The following FIP1L1 variants were observed in gnomAD, a reference collection of about 807,000 sequenced individuals.
The protein encoded by FIP1L1 is factor interacting with PAPOLA and CPSF1, also known as pre-mRNA 3'-end-processing factor FIP1.
In FIP1L1, 21 loss-of-function variants were observed where a neutral mutation model predicts 84.6. That is an observed-to-expected ratio of 0.25 (90% confidence interval 0.18 to 0.36). FIP1L1 has a LOEUF of 0.36. Ranked by LOEUF, FIP1L1 falls within the 10% of genes least tolerant of loss-of-function variation. The pLI is 1.00. For synonymous variants in FIP1L1, 263 were observed against 242.3 expected (o/e 1.09, Z -0.80); for missense variants, 526 against 751.1 (o/e 0.70, Z 3.50).
chr4:53,430,234 G>T lies in FIP1L1; in HGVS notation c.1174+2051G>T, dbSNP rs1765973255. Among the ~76,000 whole-genome samples, 3 of 151,790 alleles carry T rather than the reference G, an allele frequency of 2.0e-5. No individual in the cohort carries two copies. The South Asian group carries it at 6.2e-4, about 31-fold the overall frequency. On this transcript the variant is annotated intron_variant, in intron 13 of 17. Coordinates refer to ENST00000337488, the MANE Select transcript of FIP1L1 (RefSeq NM_030917.4). ...AATTAATGACAACAAATACTTAGCT[G>T]GTATAAGAATATTCGAAACTCCGTA...
At chr4:53,403,728 C>T (rs935072331) in intron 10 of FIP1L1, among the ~76,000 whole-genome samples, 2 of 152,150 alleles carry the variant, frequency 1.3e-5, no homozygotes, top group African/African-American at 4.8e-5. Context: ...GTGCAACATG[C>T]GGTTGGGCAT....
In FIP1L1 at chr4:53,415,712, TC is replaced by T. The variant is rs546136012; in HGVS notation, c.923+991del. ...AGGAAACACTATCAAAATTTGATTT[TC>T]TTATGTTTCATTTTCTATACAGTCT... On this transcript the variant is annotated intron_variant, in intron 11 of 17. Coordinates refer to ENST00000337488, the MANE Select transcript of FIP1L1 (RefSeq NM_030917.4). Among the ~76,000 whole-genome samples, 11 of 152,274 alleles carry T rather than the reference TC, an allele frequency of 7.2e-5. No homozygotes were observed. The South Asian group carries it at 2.3e-3, about 32-fold the overall frequency.
intron 9 of FIP1L1, among the ~76,000 whole-genome samples, chr4:53,396,110 G>T (rs562078402): frequency 6.6e-6 from 1 of 151,992 alleles, no homozygotes; most frequent in Non-Finnish European, 1.5e-5. Context: ...GTAGAGACAG[G>T]GTTTTGCCAT....
At chr4:53,423,424 CTAT>C (rs1431338271) in intron 11 of FIP1L1, among the ~76,000 whole-genome samples, 1 of 152,150 alleles carries the variant, frequency 6.6e-6, no homozygotes, top group Non-Finnish European at 1.5e-5. Context: ...TAGGGAAACT[CTAT>C]TAAATCTTCT....
chr4:53,434,881 G>A (rs1330577378), intron 13 of FIP1L1, among the ~76,000 whole-genome samples: 1 of 152,178 alleles, frequency 6.6e-6, no homozygotes, highest in African/African-American at 2.4e-5. Flanking sequence ...CAGAAGCTTG[G>A]CCTGTATTGG....
At chr4:53,434,143 T>C (rs1768010433) in intron 13 of FIP1L1, among the ~76,000 whole-genome samples, 1 of 151,880 alleles carries the variant, frequency 6.6e-6, no homozygotes, top group Admixed American at 6.6e-5. Context: ...CTTCTACTTA[T>C]GTATGTTTTA....
At chr4:53,393,275 T>A (rs1433467086) in intron 9 of FIP1L1, among the ~76,000 whole-genome samples, 1 of 152,232 alleles carries the variant, frequency 6.6e-6, no homozygotes, top group Admixed American at 6.5e-5. Context: ...AACTCACTTA[T>A]GAGGATGAAT....
At chr4:53,425,642 CATT>C (rs1359174147) in intron 11 of FIP1L1, among the ~76,000 whole-genome samples, 1 of 152,042 alleles carries the variant, frequency 6.6e-6, no homozygotes, top group Non-Finnish European at 1.5e-5. Context: ...TAAAACTTAA[CATT>C]ATGATCATTG....
chr4:53,440,469 C>T (rs1377362364), intron 13 of FIP1L1: 1 of 627,746 alleles, frequency 1.6e-6, no homozygotes, highest in Non-Finnish European at 2.8e-6. Flanking sequence ...AGTGAATAAG[C>T]CAGGATAATG....
At chr4:53,403,174 T>C (rs761610080) in intron 10 of FIP1L1, among the ~76,000 whole-genome samples, 117 of 152,256 alleles carry the variant, frequency 7.7e-4, no homozygotes, top group Non-Finnish European at 1.1e-3. Flanking sequence ...ACCTTTTTTT[T>C]CAAGATGAGA....
In FIP1L1 at chr4:53,444,121, G is replaced by A; in HGVS notation, c.1285+18G>A. The A allele has an allele frequency of 6.7e-7, 1 of 1,490,212 alleles. No individual in the cohort carries two copies. The highest frequency in any genetic ancestry group is 9.4e-7 in the Non-Finnish European group (1 of 1,066,900). 92.3% of individuals were successfully genotyped at this position (1,490,212 alleles called of 1,614,324 possible). ...TGGCAATGGTAAGTAGTATTATTTA[G>A]ATGCCTAGATTCAGTTTGAATCAGT... On this transcript the variant is annotated intron_variant, in intron 15 of 17. Coordinates refer to ENST00000337488, the MANE Select transcript of FIP1L1 (RefSeq NM_030917.4).
chr4:53,409,518 C>G (rs1383947481), intron 10 of FIP1L1, among the ~76,000 whole-genome samples: 1 of 152,198 alleles, frequency 6.6e-6, no homozygotes. Flanking sequence ...AACCACTGCT[C>G]TCTTCAAAGC....
In FIP1L1 at chr4:53,459,327, G is replaced by A. The variant is rs1721294643; in HGVS notation, c.1663G>A (p.Glu555Lys). ...RSNSRRRHES[E>K]EGDSHRRHKH... Reference sequence around the variant, plus strand: ...TAATAGTAGACGTCGCCATGAAAGTGAAGAAGGAGATAGTCACAGGAGACA... The same window carrying A: ...TAATAGTAGACGTCGCCATGAAAGTAAAGAAGGAGATAGTCACAGGAGACA... Residue 555 changes from glutamate to lysine, a missense_variant, in exon 18 of 18, where the codon GAA (glutamate) becomes AAA (lysine). Glu to Lys is a moderately conservative substitution (Grantham distance 56). Around this residue, in one of 6 missense-constraint regions of FIP1L1, gnomAD observed 89 missense variants for 169.0 expected, o/e 0.53. Coordinates refer to ENST00000337488, the MANE Select transcript of FIP1L1 (RefSeq NM_030917.4). 6.4e-7 allele frequency: 1 copy of A among 1,556,380 alleles called. No individual in the cohort carries two copies. The highest frequency in any genetic ancestry group is 1.4e-5 in the African/African-American group (1 of 69,198).
intron 15 of FIP1L1, among the ~76,000 whole-genome samples, chr4:53,448,256 G>A (rs149059853): frequency 6.6e-6 from 1 of 151,988 alleles, no homozygotes; most frequent in South Asian, 2.1e-4. Context: ...AGGGATGTAC[G>A]ATTGTCGTCT....
chr4:53,419,064 G>A (rs1228133619), intron 11 of FIP1L1, among the ~76,000 whole-genome samples: 4 of 152,096 alleles, frequency 2.6e-5, no homozygotes, highest in Non-Finnish European at 5.9e-5. Flanking sequence ...TTGTAGAGCT[G>A]TGTCTTTTCC....
intron 16 of FIP1L1, among the ~76,000 whole-genome samples, chr4:53,454,831 A>G (rs1008643469): frequency 3.3e-5 from 5 of 152,278 alleles, no homozygotes; most frequent in African/African-American, 1.2e-4. Context: ...TCTCCTCTCT[A>G]GCTATGAAAG....
chr4:53,455,975 G>A (rs888720335), intron 16 of FIP1L1, among the ~76,000 whole-genome samples: 1 of 152,032 alleles, frequency 6.6e-6, no homozygotes, highest in African/African-American at 2.4e-5. Flanking sequence ...ATTTGTGTTT[G>A]CTTGGTGGGA....
At chr4:53,391,573 G>T in intron 9 of FIP1L1, 75 bp downstream of exon 9, 2 of 1,062,416 alleles carry the variant, frequency 1.9e-6, no homozygotes, top group Non-Finnish European at 2.9e-6. Flanking sequence ...CTACTCAAGG[G>T]ACAAGATTAA....
chr4:53,400,840 G>A (rs1235318027), intron 10 of FIP1L1, among the ~76,000 whole-genome samples: 2 of 152,176 alleles, frequency 1.3e-5, no homozygotes, highest in Non-Finnish European at 2.9e-5. Flanking sequence ...AAGAATTTAT[G>A]ACAGCTAAGC....
Sources: allele counts gnomAD v4.1 joint callset (sites outside exome capture counted in the v4.1 genomes callset), GRCh38; gene constraint gnomAD v4.1.1; regional missense constraint gnomAD v4.1.1; transcripts MANE v1.5; gene names NCBI Gene and HGNC (gene_info 2026-07-23, HGNC 2026-07-21).